The following CNTLN variants were observed in gnomAD, a reference collection of about 807,000 sequenced individuals.
CNTLN encodes centlein.
Under a neutral mutation model 180.0 loss-of-function variants are expected in CNTLN, and 212 were observed. That is an observed-to-expected ratio of 1.18 (90% CI 1.05 to 1.32). The LOEUF (loss-of-function observed/expected upper bound fraction) is 1.32, where lower values mean the gene tolerates loss of function less well. Ranked by LOEUF, CNTLN falls within the 40% of genes most tolerant of loss-of-function variation. The probability of loss-of-function intolerance (pLI) is 0.00; values close to 1 mark genes in which losing one functional copy is unlikely to be tolerated. For synonymous variants in CNTLN, 722 were observed against 563.1 expected (o/e 1.28, Z -3.99); for missense variants, 2,095 against 1,610.9 (o/e 1.30, Z -5.14).
intron 1 of CNTLN, among the ~76,000 whole-genome samples, chr9:17,136,478 C>T (rs765119028): frequency 6.6e-6 from 1 of 152,140 alleles, no homozygotes; most frequent in Non-Finnish European, 1.5e-5. Context: ...TACAGGTGTC[C>T]GCCACCACGC....
At chr9:17,196,455 A>C (rs942116007) in intron 2 of CNTLN, among the ~76,000 whole-genome samples, 1 of 152,120 alleles carries the variant, frequency 6.6e-6, no homozygotes, top group African/African-American at 2.4e-5. Flanking sequence ...ATTTAGTTTA[A>C]AGCTTCTCTA....
intron 5 of CNTLN, among the ~76,000 whole-genome samples, chr9:17,264,243 G>A (rs1306627211): frequency 1.3e-5 from 2 of 148,692 alleles, no homozygotes; most frequent in African/African-American, 2.5e-5. Flanking sequence ...AAGGGATCCA[G>A]TTTCAGCTTT....
rs570389433 is a variant in CNTLN, at chr9:17,135,084, C to A, written c.19C>A (p.Pro7Thr). Residue 7 changes from proline (P) to threonine (T), a missense_variant, in exon 1 of 26, where the codon CCC (proline) becomes ACC (threonine). Transcript: ENST00000380647. ...CGCAGCCATGGCGGCGCGTTCGCCT[C>A]CCTCACCGCACCCTTCGCCCCCAGC... MAARSP[P>T]SPHPSPPARQ... 2 of 1,601,110 alleles carry A rather than the reference C, an allele frequency of 1.2e-6. No homozygotes were observed. The highest frequency in any genetic ancestry group is 2.2e-5 in the South Asian group (2 of 89,676).
chr9:17,236,519 C>A lies in CNTLN; in HGVS notation c.780C>A (p.Asp260Glu). Residue 260 changes from aspartate (D) to glutamate (E), a missense_variant, in exon 5 of 26, where the codon GAC (aspartate) becomes GAA (glutamate). Transcript: ENST00000380647. ...CCCGCTGCACTGACCTGCTAAATGA[C>A]CTGGAGAAATTGAGGAAGCAGGAAG... is the stretch of plus-strand genomic sequence containing the variant. ...LSTRCTDLLN[D>E]LEKLRKQEAH... 1 of 1,613,146 alleles carries A rather than the reference C, an allele frequency of 6.2e-7. No homozygotes were observed. Among genetic ancestry groups the A allele is most frequent in the East Asian group, 2.2e-5 (1 of 44,842 alleles).
chr9:17,144,212 T>A, intron 2 of CNTLN, among the ~76,000 whole-genome samples: 1 of 152,230 alleles, frequency 6.6e-6, no homozygotes, highest in East Asian at 1.9e-4. Context: ...CTGTGATACA[T>A]GCCTGAGTAT....
the CNTLN span, among the ~76,000 whole-genome samples, chr9:17,514,884 A>C: frequency 6.6e-6 from 1 of 152,146 alleles, no homozygotes; most frequent in African/African-American, 2.4e-5. Flanking sequence ...TTGTTCCTTC[A>C]TGTTCTTTTG....
intron 12 of CNTLN, among the ~76,000 whole-genome samples, chr9:17,349,866 C>T (rs2044119): frequency 0.6 from 90,879 of 152,024 alleles, 27,436 homozygotes; most frequent in East Asian, 0.73. Context: ...AGGCACTAAC[C>T]AGGGGCTGAA....
At chr9:17,368,089 C>T (rs961190861) in intron 13 of CNTLN, among the ~76,000 whole-genome samples, 6 of 152,032 alleles carry the variant, frequency 3.9e-5, no homozygotes, top group Non-Finnish European at 8.8e-5. Context: ...CATTTCTAGA[C>T]CTGCCCTGGG....
chr9:17,346,105 G>A (rs1478293890), intron 12 of CNTLN, among the ~76,000 whole-genome samples: 3 of 152,138 alleles, frequency 2.0e-5, no homozygotes, highest in African/African-American at 7.2e-5. Context: ...CGGCTGGGGA[G>A]GCCTCAGGAA....
chr9:17,524,040 G>T, the CNTLN span, among the ~76,000 whole-genome samples: 28,410 of 152,160 alleles, frequency 0.19, 3,455 homozygotes, highest in Middle Eastern at 0.29. Flanking sequence ...AATGAGAAAG[G>T]TTCAAAAGTG....
chr9:17,452,584 C>G (rs984746290), intron 18 of CNTLN, among the ~76,000 whole-genome samples: 7 of 152,146 alleles, frequency 4.6e-5, no homozygotes, highest in African/African-American at 1.7e-4. Context: ...TTACATATTT[C>G]TGGATTATAG....
At chr9:17,400,295 G>A (rs1826870038) in intron 15 of CNTLN, among the ~76,000 whole-genome samples, 1 of 152,032 alleles carries the variant, frequency 6.6e-6, no homozygotes. Flanking sequence ...ACACCACAAT[G>A]CCCGGCTAAT....
At chr9:17,170,877 A>G (rs967546975) in intron 2 of CNTLN, among the ~76,000 whole-genome samples, 1 of 151,976 alleles carries the variant, frequency 6.6e-6, no homozygotes, top group Non-Finnish European at 1.5e-5. Context: ...CTATGTTTAG[A>G]TATGTTTACA....
chr9:17,345,686 T>C (rs1414319217), intron 12 of CNTLN, among the ~76,000 whole-genome samples: 3 of 152,090 alleles, frequency 2.0e-5, no homozygotes, highest in Non-Finnish European at 2.9e-5. Context: ...AATACAGTTA[T>C]CTCAAATATT....
intron 7 of CNTLN, among the ~76,000 whole-genome samples, chr9:17,306,635 G>C (rs1759616): frequency 0.2 from 30,187 of 151,962 alleles, 3,656 homozygotes; most frequent in African/African-American, 0.34. Context: ...CCTCGATCCT[G>C]ACCATACCCT....
intron 18 of CNTLN, among the ~76,000 whole-genome samples, chr9:17,440,582 C>T (rs1268330389): frequency 9.2e-6 from 1 of 109,068 alleles, no homozygotes; most frequent in Non-Finnish European, 1.9e-5. Flanking sequence ...GAGCGAGACT[C>T]CGTCTCAAAA....
At chr9:17,423,925 C>G (rs745447294) in intron 18 of CNTLN, among the ~76,000 whole-genome samples, 2 of 152,080 alleles carry the variant, frequency 1.3e-5, no homozygotes, top group Non-Finnish European at 2.9e-5. Flanking sequence ...CTTTTCTACC[C>G]TCTTCAGTGC....
At chr9:17,480,358 C>A (rs1227583567) in intron 23 of CNTLN, among the ~76,000 whole-genome samples, 2 of 147,936 alleles carry the variant, frequency 1.4e-5, no homozygotes, top group African/African-American at 2.5e-5. Flanking sequence ...AAATTAATGG[C>A]AAAAAAAAAA....
downstream of CNTLN, among the ~76,000 whole-genome samples, chr9:17,504,255 T>C (rs1833889798): frequency 6.6e-6 from 1 of 152,132 alleles, no homozygotes; most frequent in African/African-American, 2.4e-5. Flanking sequence ...TGACACTGTA[T>C]ACCCAAAGAA....
Sources: allele counts gnomAD v4.1 joint callset (sites outside exome capture counted in the v4.1 genomes callset), GRCh38; gene constraint gnomAD v4.1.1; transcripts MANE v1.5; gene names NCBI Gene and HGNC (gene_info 2026-07-23, HGNC 2026-07-21).